The following AXIN2 variants were observed in gnomAD, a reference collection of about 807,000 sequenced individuals.
AXIN2 encodes axin-2.
In AXIN2, 21 loss-of-function variants were observed where a neutral mutation model predicts 74.7. That is an observed-to-expected ratio of 0.28 (90% CI 0.20 to 0.40). The LOEUF (loss-of-function observed/expected upper bound fraction) is 0.40. Among genes scored for constraint, AXIN2 ranks in the 10% least tolerant of loss-of-function variants. AXIN2 has a pLI of 1.00. For synonymous variants in AXIN2, 532 were observed against 454.9 expected, an observed-to-expected ratio of 1.17 and a Z score of -2.16; for missense variants, 1,144 against 1,111.1, an observed-to-expected ratio of 1.03 and a Z score of -0.42.
intron 3 of AXIN2, among the ~76,000 whole-genome samples, chr17:65,543,427 C>T (rs1484825676): frequency 6.6e-6 from 1 of 152,178 alleles, no homozygotes; most frequent in Non-Finnish European, 1.5e-5. Flanking sequence ...TGACCAGAAA[C>T]CAAATCGCAC....
At chr17:65,555,550 CTAATTA>C (rs1016238533) in intron 2 of AXIN2, among the ~76,000 whole-genome samples, 33 of 151,158 alleles carry the variant, frequency 2.2e-4, no homozygotes, top group Non-Finnish European at 1.2e-4. Context: ...ACTAATTATA[CTAATTA>C]TAACACTTTG....
At chr17:65,555,426 G>A (rs544183381) in intron 2 of AXIN2, among the ~76,000 whole-genome samples, 1 of 152,142 alleles carries the variant, frequency 6.6e-6, no homozygotes, top group Non-Finnish European at 1.5e-5. Context: ...TAAGAAAGTT[G>A]AGGCATGGGG....
chr17:65,546,404 C>T (rs927308330), intron 3 of AXIN2, among the ~76,000 whole-genome samples: 3 of 152,146 alleles, frequency 2.0e-5, no homozygotes, highest in Non-Finnish European at 2.9e-5. Flanking sequence ...GGTGACCGCC[C>T]GGTGCTGGGC....
At chr17:65,555,685 T>G (rs1303786981) in intron 2 of AXIN2, among the ~76,000 whole-genome samples, 1 of 152,108 alleles carries the variant, frequency 6.6e-6, no homozygotes, top group Non-Finnish European at 1.5e-5. Context: ...GATGGGCACA[T>G]GCCATTCAGA....
At position 65,537,080 on chromosome 17, in the gene AXIN2, A is replaced by T. The variant is rs1044221415; in HGVS notation, c.1713-17T>A. 1.9e-6 allele frequency: 3 copies of T among 1,596,896 alleles called. No individual in the cohort carries two copies. In the African/African-American group the frequency reaches 4.0e-5, roughly 21 times the overall value. On this transcript the variant is annotated splice_polypyrimidine_tract_variant and intron_variant, in intron 6 of 10. Transcript: ENST00000307078. ...CTGCTGCCGCTGTGGGGAACCAAGA[A>T]CCACACCCAACCCAGAGACCCGGTT...
Position 65,558,694 on chromosome 17 carries a change from T to G in AXIN2, c.-74A>C. The G allele has an allele frequency of 1.4e-6, 2 of 1,454,714 alleles. No individual in the cohort carries two copies. Among genetic ancestry groups the G allele is most frequent in the Non-Finnish European group, 1.9e-6 (2 of 1,070,160 alleles). 90.1% of individuals were successfully genotyped at this position (1,454,714 alleles called of 1,614,324 possible). A position where few individuals can be genotyped will look rare whatever the true frequency, so the allele number is the denominator to read the frequency against. On this transcript the variant is annotated 5_prime_UTR_variant, in exon 2 of 11. Transcript: ENST00000307078. ...TCCTCTCAGCAATCGGCGTGGTCTCTCTGTCTCTCTCAAGTCAGCAGGGGC... is the reference window on the plus strand; with the variant it reads ...TCCTCTCAGCAATCGGCGTGGTCTCGCTGTCTCTCTCAAGTCAGCAGGGGC...
intron 9 of AXIN2, among the ~76,000 whole-genome samples, chr17:65,534,336 T>C (rs966342701): frequency 8.5e-5 from 13 of 152,170 alleles, no homozygotes; most frequent in African/African-American, 2.7e-4. Flanking sequence ...TACAAATTGG[T>C]ATCATTTCCC....
Position 65,549,553 on chromosome 17 carries a change from G to A in AXIN2, c.923C>T (p.Thr308Met), listed in dbSNP as rs779083840. ...NDSEISSDAL[T>M]DDSMSMTDSS... is the part of the protein sequence containing the mutation. ...GTCCGTCATGGACATGGAATCATCC[G>A]TCAGCGCATCACTGGATATCTCACT... Residue 308 changes from threonine (T) to methionine (M), a missense_variant, in exon 3 of 11, where the codon ACG becomes ATG. Transcript: ENST00000307078. 1.9e-5 allele frequency: 30 copies of A among 1,611,822 alleles called. No individual in the cohort carries two copies. The highest frequency in any genetic ancestry group is 1.6e-4 in the Middle Eastern group (1 of 6,062).
intron 3 of AXIN2, among the ~76,000 whole-genome samples, chr17:65,546,380 C>A (rs938696159): frequency 4.6e-5 from 7 of 152,298 alleles, no homozygotes; most frequent in African/African-American, 1.7e-4. Flanking sequence ...CTGATCCCAG[C>A]CCTGGGAATC....
At chr17:65,560,480 G>C (rs1055256925) in intron 1 of AXIN2, 7 of 152,234 alleles carry the variant, frequency 4.6e-5, no homozygotes, top group African/African-American at 1.7e-4. Context: ...ACCTCCCAAA[G>C]GCACTCCCGC....
At chr17:65,552,036 G>A (rs1328701811) in intron 2 of AXIN2, among the ~76,000 whole-genome samples, 5 of 13,764 alleles carry the variant, frequency 3.6e-4, no homozygotes, top group Admixed American at 1.1e-3. Flanking sequence ...ACGACCTCCT[G>A]GGATTTTTTT....
intron 3 of AXIN2, among the ~76,000 whole-genome samples, chr17:65,548,435 G>C (rs904659876): frequency 6.6e-6 from 1 of 152,302 alleles, no homozygotes; most frequent in Admixed American, 6.5e-5. Context: ...AAGCTAAAAG[G>C]AACAAACTCT....
Position 65,537,660 on chromosome 17 carries a change from C to T in AXIN2, c.1376G>A (p.Arg459His), listed in dbSNP as rs368525111. The T allele has an allele frequency of 3.6e-5, 57 of 1,563,328 alleles. No homozygotes were observed. The highest frequency in any genetic ancestry group is 4.2e-5 in the Non-Finnish European group (48 of 1,156,114). ...CGGGGAGCGGGAGCGGGGGCTATAG[C>T]GGCCTACGCCTGGAGACTGGCAGCC... ...TPGCQSPGVG[R>H]YSPRSRSPDH... Residue 459 changes from arginine to histidine, a missense_variant, in exon 6 of 11, where the codon CGC becomes CAC. Arg to His is a conservative substitution (Grantham distance 29, BLOSUM62 0). Transcript: ENST00000307078.
At chr17:65,551,682 TG>T (rs770026907) in intron 2 of AXIN2, among the ~76,000 whole-genome samples, 60 of 152,280 alleles carry the variant, frequency 3.9e-4, no homozygotes, top group South Asian at 1.2e-3. Context: ...AGTTTGCGCT[TG>T]TTGGAGTCAC....
chr17:65,557,506 CCT>C (rs150521485), intron 2 of AXIN2, among the ~76,000 whole-genome samples: 297 of 150,462 alleles, frequency 2.0e-3, no homozygotes, highest in African/African-American at 6.5e-3. Flanking sequence ...AAGCTGCTGT[CCT>C]CTCTCTCTCT....
chr17:65,533,836 G>A (rs1037240521), intron 10 of AXIN2, 76 bp downstream of exon 10: 2 of 832,802 alleles, frequency 2.4e-6, no homozygotes, highest in Non-Finnish European at 3.6e-6. Flanking sequence ...TGCTCAGCCA[G>A]GGGAGCTGCT....
At position 65,529,935 on chromosome 17, in the gene AXIN2, G is replaced by A. The variant is rs1314104665; in HGVS notation, c.*41C>T. ...CTCACAGCCAAGACAGTTCACAAGA[G>A]CTTCGGGCTCCAACAGTTCACCAAA... On this transcript the variant is annotated 3_prime_UTR_variant, in exon 11 of 11. Transcript: ENST00000307078. 1.9e-6 allele frequency: 3 copies of A among 1,613,676 alleles called. No individual in the cohort carries two copies. The highest frequency in any genetic ancestry group is 2.5e-6 in the Non-Finnish European group (3 of 1,179,820).
chr17:65,537,501 TTCG>T lies in AXIN2; in HGVS notation c.1532_1534del (p.Thr511del). The T allele has an allele frequency of 6.2e-7, 1 of 1,613,718 alleles. No individual in the cohort carries two copies. Among genetic ancestry groups the T allele is most frequent in the Non-Finnish European group, 8.5e-7 (1 of 1,179,976 alleles). On this transcript the variant is annotated inframe_deletion, in exon 6 of 11. Coordinates refer to ENST00000307078, the MANE Select transcript of AXIN2 (RefSeq NM_004655.4). The stretch of plus-strand genomic sequence containing the variant: ...GTGGATGTAGTGGTGGTGGACATGC[TTCG>T]TCGTCTGCTTGGTCACAAAGCCTTT...
In AXIN2 at chr17:65,535,735, C is replaced by G. The variant is rs369078274; in HGVS notation, c.2142-14G>C. The stretch of plus-strand genomic sequence containing the variant: ...GCCACACAGCACCTGAGGACACAGC[C>G]AGGGCGAGGGATTTAGAGGTACACT... On this transcript the variant is annotated splice_polypyrimidine_tract_variant and intron_variant, in intron 8 of 10. Coordinates refer to ENST00000307078, the MANE Select transcript of AXIN2 (RefSeq NM_004655.4). The G allele has an allele frequency of 6.2e-7, 1 of 1,611,720 alleles. No homozygotes were observed. Among genetic ancestry groups the G allele is most frequent in the Non-Finnish European group, 8.5e-7 (1 of 1,177,854 alleles).
Sources: allele counts gnomAD v4.1 joint callset (sites outside exome capture counted in the v4.1 genomes callset), GRCh38; gene constraint gnomAD v4.1.1; transcripts MANE v1.5; gene names NCBI Gene and HGNC (gene_info 2026-07-23, HGNC 2026-07-21).